The following NBAS variants were observed in gnomAD, a reference collection of about 807,000 sequenced individuals.
NBAS encodes NAG/BC035112 fusion.
NBAS carries 219 observed loss-of-function variants against 302.5 expected under a neutral mutation model. The ratio of observed to expected loss-of-function variants is 0.72; its 90% CI spans 0.65 to 0.81. The LOEUF is 0.81. Ranked by LOEUF, NBAS falls within the 30% of genes least tolerant of loss-of-function variation. The probability of loss-of-function intolerance (pLI) is 0.00; values close to 1 mark genes in which losing one functional copy is unlikely to be tolerated. For missense variants in NBAS, 2,932 were observed against 2,841.6 expected (o/e 1.03, Z -0.72); for synonymous variants, 1,118 against 1,021.6 (o/e 1.09, Z -1.80).
At chr2:15,539,165 T>G in intron 7 of NBAS, 58 bp downstream of exon 7, 1 of 1,602,610 alleles carries the variant, frequency 6.2e-7, no homozygotes, top group Non-Finnish European at 8.5e-7. Context: ...TTTATTCAAG[T>G]ACCTATACAT....
At chr2:15,333,328 T>C (rs1672435510) in intron 35 of NBAS, among the ~76,000 whole-genome samples, 1 of 151,862 alleles carries the variant, frequency 6.6e-6, no homozygotes, top group Non-Finnish European at 1.5e-5. Flanking sequence ...GAAAGAGAAA[T>C]AGCAGGACAT....
intron 25 of NBAS, among the ~76,000 whole-genome samples, chr2:15,407,432 A>G (rs1002524681): frequency 1.3e-5 from 2 of 152,226 alleles, no homozygotes; most frequent in African/African-American, 2.4e-5. Flanking sequence ...CACCCTAGGA[A>G]TAGGGGAGAA....
chr2:15,107,463 T>C, the NBAS span, among the ~76,000 whole-genome samples: 7 of 152,166 alleles, frequency 4.6e-5, no homozygotes, highest in African/African-American at 1.4e-4. Context: ...TAGCAGATAT[T>C]GAAAGTTGGA....
At chr2:15,325,225 A>G (rs189977365) in intron 38 of NBAS, among the ~76,000 whole-genome samples, 2 of 152,352 alleles carry the variant, frequency 1.3e-5, no homozygotes, top group East Asian at 3.8e-4. Context: ...GACTACTGCA[A>G]TAAAGCAAAT....
In NBAS at chr2:15,175,192, T is replaced by C. The variant is rs184878573; in HGVS notation, c.6840+3796A>G. 5.5e-3 allele frequency among the ~76,000 whole-genome samples: 833 copies of C among 152,242 alleles called. 4 individuals are homozygous for C. The highest frequency in any genetic ancestry group is 0.017 in the African/African-American group (717 of 41,526). ...CGTGTTAGCCAGGATGGTCTCGATCTCCTGACCTCATGATCCACCCTCCTC... is the reference window on the plus strand; with the variant it reads ...CGTGTTAGCCAGGATGGTCTCGATCCCCTGACCTCATGATCCACCCTCCTC... On this transcript the variant is annotated intron_variant, in intron 51 of 51. Transcript: ENST00000281513.
chr2:14,815,511 C>T, the NBAS span, among the ~76,000 whole-genome samples: 65 of 152,316 alleles, frequency 4.3e-4, no homozygotes, highest in Admixed American at 2.0e-3. Flanking sequence ...AGATCTGAAG[C>T]TTTTGACTTA....
At chr2:15,216,321 G>A (rs1485846215) in intron 48 of NBAS, among the ~76,000 whole-genome samples, 1 of 152,118 alleles carries the variant, frequency 6.6e-6, no homozygotes, top group Non-Finnish European at 1.5e-5. Context: ...AGAGTGAGGG[G>A]GATATGAGAT....
At chr2:15,262,254 G>A (rs949873075) in intron 44 of NBAS, among the ~76,000 whole-genome samples, 1 of 152,194 alleles carries the variant, frequency 6.6e-6, no homozygotes, top group African/African-American at 2.4e-5. Flanking sequence ...AGTACTTTAT[G>A]GTGAAACTAA....
At position 15,553,492 on chromosome 2, in the gene NBAS, A is replaced by AG. The variant is rs1664479663; in HGVS notation, c.288-20dup. On this transcript the variant is annotated intron_variant, in intron 4 of 51. Coordinates refer to ENST00000281513, the MANE Select transcript of NBAS (RefSeq NM_015909.4). ...TCCATTGCTTTTATGGAGAAGAAAG[A>AG]GGGGGAAGAAAATCTATTATGAATA... 6.2e-7 allele frequency: 1 copy of AG among 1,601,442 alleles called. No homozygotes were observed. The highest frequency in any genetic ancestry group is 8.6e-7 in the Non-Finnish European group (1 of 1,168,630).
At chr2:15,134,639 G>T in the NBAS span, among the ~76,000 whole-genome samples, 66 of 152,310 alleles carry the variant, frequency 4.3e-4, no homozygotes, top group Middle Eastern at 3.4e-3. Context: ...AATGCAACTT[G>T]TTACCTGTTG....
the NBAS span, among the ~76,000 whole-genome samples, chr2:15,105,692 T>C: frequency 1.3e-5 from 2 of 152,104 alleles, no homozygotes; most frequent in African/African-American, 2.4e-5. Flanking sequence ...CCTTGTGTAC[T>C]AGAGGTTCAG....
intron 44 of NBAS, among the ~76,000 whole-genome samples, chr2:15,248,412 A>C (rs1668204485): frequency 6.6e-6 from 1 of 152,188 alleles, no homozygotes; most frequent in Non-Finnish European, 1.5e-5. Flanking sequence ...AAGCAAGAGC[A>C]AACACATTGA....
At chr2:15,536,585 A>G in intron 7 of NBAS, 34 bp from the exon 8 acceptor site, 1 of 1,560,928 alleles carries the variant, frequency 6.4e-7, no homozygotes, top group Non-Finnish European at 8.7e-7. Flanking sequence ...TTACTAAAAA[A>G]AAAAAAACTA....
chr2:15,106,102 C>A, the NBAS span, among the ~76,000 whole-genome samples: 7 of 152,104 alleles, frequency 4.6e-5, no homozygotes, highest in Non-Finnish European at 8.8e-5. Flanking sequence ...TGGCCCAATG[C>A]ACAAAATATT....
chr2:15,015,264 A>ACTCC, the NBAS span, among the ~76,000 whole-genome samples: 1 of 151,582 alleles, frequency 6.6e-6, no homozygotes, highest in Non-Finnish European at 1.5e-5. Flanking sequence ...AAGCAGAGGG[A>ACTCC]CTCCCCCTCA....
At chr2:15,107,575 C>T in the NBAS span, among the ~76,000 whole-genome samples, 1 of 152,084 alleles carries the variant, frequency 6.6e-6, no homozygotes, top group Non-Finnish European at 1.5e-5. Context: ...GGGCAGGGAC[C>T]AAGCAAACTG....
At chr2:15,036,759 G>A in the NBAS span, among the ~76,000 whole-genome samples, 1 of 152,120 alleles carries the variant, frequency 6.6e-6, no homozygotes, top group Non-Finnish European at 1.5e-5. Context: ...GGTAGACAGG[G>A]CAGGTTGCTT....
At chr2:14,793,404 C>A in the NBAS span, among the ~76,000 whole-genome samples, 2 of 151,938 alleles carry the variant, frequency 1.3e-5, no homozygotes, top group South Asian at 2.1e-4. Flanking sequence ...GAATAATAAA[C>A]CTAAATATAA....
chr2:15,156,778 T>C, the NBAS span, among the ~76,000 whole-genome samples: 1 of 152,208 alleles, frequency 6.6e-6, no homozygotes, highest in East Asian at 1.9e-4. Flanking sequence ...TTCAAGTCCA[T>C]AAACTCTATG....
Sources: allele counts gnomAD v4.1 joint callset (sites outside exome capture counted in the v4.1 genomes callset), GRCh38; gene constraint gnomAD v4.1.1; transcripts MANE v1.5; gene names NCBI Gene and HGNC (gene_info 2026-07-23, HGNC 2026-07-21).